RBMS3: variants seen among roughly 807,000 people sequenced by gnomAD.
RBMS3 encodes RNA-binding motif, single-stranded-interacting protein 3.
In RBMS3, 27 loss-of-function variants were observed where a neutral mutation model predicts 66.8. The ratio of observed to expected loss-of-function variants is 0.40; its 90% CI spans 0.30 to 0.56. The LOEUF (loss-of-function observed/expected upper bound fraction) is 0.56, where lower values mean the gene tolerates loss of function less well. Ranked by LOEUF, RBMS3 falls within the 20% of genes least tolerant of loss-of-function variation. RBMS3 has a pLI of 0.40. For synonymous variants in RBMS3, 188 were observed against 183.0 expected, an observed-to-expected ratio of 1.03 and a Z score of -0.22; for missense variants, 513 against 549.5, an observed-to-expected ratio of 0.93 and a Z score of 0.66.
intron 1 of RBMS3, among the ~76,000 whole-genome samples, chr3:29,368,492 G>A (rs938401650): frequency 6.6e-6 from 1 of 151,538 alleles, no homozygotes; most frequent in Non-Finnish European, 1.5e-5. Flanking sequence ...ATGAATTCCT[G>A]AATTCTAAAA....
chr3:29,535,710 CTTTTTTTTTT>C (rs149022808), intron 3 of RBMS3, among the ~76,000 whole-genome samples: 429 of 39,762 alleles, frequency 0.011, 4 homozygotes, highest in African/African-American at 0.04. Flanking sequence ...GATCATTGCT[CTTTTTTTTTT>C]TTTTTTTTTT....
chr3:29,723,855 T>C (rs2149324996), intron 4 of RBMS3, among the ~76,000 whole-genome samples: 1 of 152,312 alleles, frequency 6.6e-6, no homozygotes, highest in African/African-American at 2.4e-5. Context: ...TTCCCAATTG[T>C]ATGAGTTTAA....
At chr3:29,303,210 C>G (rs1042010855) in intron 1 of RBMS3, among the ~76,000 whole-genome samples, 3 of 152,040 alleles carry the variant, frequency 2.0e-5, no homozygotes, top group African/African-American at 7.2e-5. Context: ...CTGAAAGGAG[C>G]TTTGAAGTCA....
intron 1 of RBMS3, among the ~76,000 whole-genome samples, chr3:29,390,292 A>G (rs1028285789): frequency 6.6e-6 from 1 of 152,224 alleles, no homozygotes; most frequent in Non-Finnish European, 1.5e-5. Flanking sequence ...ATTGTTCTAA[A>G]ATAAATAGAT....
At chr3:29,841,048 TAGAC>T (rs142290404) in intron 6 of RBMS3, among the ~76,000 whole-genome samples, 3,920 of 152,098 alleles carry the variant, frequency 0.026, 116 homozygotes, top group East Asian at 0.091. Context: ...AGGTAAAAGT[TAGAC>T]AGTGTCATGA....
intron 12 of RBMS3, among the ~76,000 whole-genome samples, chr3:29,983,551 G>C (rs1698153249): frequency 6.6e-6 from 1 of 151,948 alleles, no homozygotes; most frequent in Non-Finnish European, 1.5e-5. Flanking sequence ...AGTGGCTGGT[G>C]CCAGTTTTTC....
At chr3:29,780,397 T>G (rs1260644792) in intron 6 of RBMS3, among the ~76,000 whole-genome samples, 1 of 152,094 alleles carries the variant, frequency 6.6e-6, no homozygotes, top group Non-Finnish European at 1.5e-5. Context: ...ATTTGTCCAT[T>G]GCATTTGTCA....
rs113991451 is a variant in RBMS3 at position 29,382,141 on chromosome 3, G to A, written c.76-52602G>A. 2.4e-3 allele frequency among the ~76,000 whole-genome samples: 370 copies of A among 152,292 alleles called. 5 individuals are homozygous for A. Among genetic ancestry groups the A allele is most frequent in the African/African-American group, 8.5e-3 (355 of 41,562 alleles). Reference sequence around the variant, plus strand: ...CTTATAATTCTCACAAAGTCCAGATGTTTCTACAAACAAGGCAAACATGGA... The same window carrying A: ...CTTATAATTCTCACAAAGTCCAGATATTTCTACAAACAAGGCAAACATGGA... On this transcript the variant is annotated intron_variant, in intron 1 of 14. Coordinates refer to ENST00000383767, the MANE Select transcript of RBMS3 (RefSeq NM_001003793.3).
At chr3:29,758,180 G>A (rs1293016800) in intron 5 of RBMS3, among the ~76,000 whole-genome samples, 1 of 152,160 alleles carries the variant, frequency 6.6e-6, no homozygotes, top group Non-Finnish European at 1.5e-5. Flanking sequence ...GGGTAGAGTG[G>A]AGCTAGCAGG....
intron 2 of RBMS3, among the ~76,000 whole-genome samples, chr3:29,473,292 T>G (rs1316671013): frequency 6.6e-6 from 1 of 152,026 alleles, no homozygotes; most frequent in Non-Finnish European, 1.5e-5. Flanking sequence ...CTGATTGGTG[T>G]ATTTACAATC....
chr3:29,284,710 T>C (rs1011347009), intron 1 of RBMS3, among the ~76,000 whole-genome samples: 3 of 152,036 alleles, frequency 2.0e-5, no homozygotes, highest in Admixed American at 2.0e-4. Context: ...AAATGTTATA[T>C]ATTAGAAAAA....
intron 6 of RBMS3, among the ~76,000 whole-genome samples, chr3:29,784,072 T>C (rs1169392501): frequency 6.6e-6 from 1 of 152,020 alleles, no homozygotes; most frequent in African/African-American, 2.4e-5. Flanking sequence ...ATCTAAGACA[T>C]GAGATAGAAG....
intron 1 of RBMS3, among the ~76,000 whole-genome samples, chr3:29,359,614 A>C (rs2125577351): frequency 6.6e-6 from 1 of 152,312 alleles, no homozygotes; most frequent in African/African-American, 2.4e-5. Context: ...TAGTTTCAGA[A>C]GGAATGGTTC....
At chr3:29,912,946 A>C (rs2060551360) in intron 10 of RBMS3, among the ~76,000 whole-genome samples, 2 of 151,940 alleles carry the variant, frequency 1.3e-5, no homozygotes, top group Admixed American at 6.6e-5. Context: ...ATGTCTTCAA[A>C]GCTCTCACAG....
chr3:29,347,429 T>G (rs2036640868), intron 1 of RBMS3, among the ~76,000 whole-genome samples: 1 of 152,186 alleles, frequency 6.6e-6, no homozygotes, highest in Non-Finnish European at 1.5e-5. Context: ...TCTAGGGGTT[T>G]GTTTATTTTA....
chr3:29,755,727 C>A (rs2055381103), intron 5 of RBMS3, among the ~76,000 whole-genome samples: 1 of 152,086 alleles, frequency 6.6e-6, no homozygotes, highest in Admixed American at 6.6e-5. Flanking sequence ...AGCAGGGAGA[C>A]AAAGAGGGAA....
At chr3:29,323,283 AT>A (rs35346891) in intron 1 of RBMS3, among the ~76,000 whole-genome samples, 72,628 of 151,894 alleles carry the variant, frequency 0.48, 18,178 homozygotes, top group East Asian at 0.78. Flanking sequence ...ACTTTAGCTT[AT>A]TTTTTCACAC....
intron 1 of RBMS3, among the ~76,000 whole-genome samples, chr3:29,328,230 A>C (rs2035452840): frequency 6.6e-6 from 1 of 152,206 alleles, no homozygotes. Flanking sequence ...TTTAAAATTT[A>C]GAAAATTTTC....
chr3:29,724,762 A>G (rs978778618), intron 4 of RBMS3, among the ~76,000 whole-genome samples: 1 of 152,186 alleles, frequency 6.6e-6, no homozygotes, highest in Non-Finnish European at 1.5e-5. Context: ...CATTTTAAGG[A>G]AAATGGAATT....
Sources: gnomAD v4.1 joint callset for allele counts (sites outside exome capture counted in the v4.1 genomes callset) on GRCh38, gnomAD v4.1.1 for gene constraint, MANE v1.5 for transcripts, NCBI Gene and HGNC (gene_info 2026-07-23, HGNC 2026-07-21) for gene names.